DIP2C: variants seen among roughly 807,000 people sequenced by gnomAD.
The protein encoded by DIP2C is DIP2 acetate--CoA ligase C (putative), also known as disco-interacting protein 2 homolog C.
In DIP2C, 33 loss-of-function variants were observed where a neutral mutation model predicts 192.4. The observed-to-expected ratio is 0.17, with a 90% CI of 0.13 to 0.23. The LOEUF is 0.23. DIP2C is among the 10% of genes least tolerant of loss of function. DIP2C has a pLI of 1.00. For missense variants in DIP2C, 1,537 were observed against 2,110.1 expected, an observed-to-expected ratio of 0.73 and a Z score of 5.32; for synonymous variants, 979 against 864.1, an observed-to-expected ratio of 1.13 and a Z score of -2.33.
chr10:354,222 C>T (rs553847686), intron 24 of DIP2C, among the ~76,000 whole-genome samples: 1 of 152,344 alleles, frequency 6.6e-6, no homozygotes, highest in African/African-American at 2.4e-5. Context: ...CTGATCCCTA[C>T]ATCTGGCCCC....
chr10:536,679 G>A (rs1042664857), intron 1 of DIP2C, among the ~76,000 whole-genome samples: 1 of 152,194 alleles, frequency 6.6e-6, no homozygotes, highest in Admixed American at 6.5e-5. Flanking sequence ...CTCTGTGGAG[G>A]GGGGGCCATC....
At chr10:427,128 TA>T (rs1334253141) in intron 4 of DIP2C, among the ~76,000 whole-genome samples, 2 of 152,194 alleles carry the variant, frequency 1.3e-5, no homozygotes, top group African/African-American at 4.8e-5. Flanking sequence ...GTCAGAAGTG[TA>T]AAATCTGAGT....
chr10:329,808 G>C (rs148334592), intron 29 of DIP2C, among the ~76,000 whole-genome samples: 142 of 152,314 alleles, frequency 9.3e-4, no homozygotes, highest in African/African-American at 3.2e-3. Flanking sequence ...ACGTACTACA[G>C]AATCATGGGG....
intron 30 of DIP2C, among the ~76,000 whole-genome samples, chr10:327,945 G>A (rs1198087163): frequency 2.0e-5 from 3 of 152,178 alleles, no homozygotes; most frequent in Non-Finnish European, 2.9e-5. Context: ...GGCACTACCT[G>A]GGCCGAGCAG....
intron 34 of DIP2C, 49 bp from the exon 35 acceptor site, chr10:283,495 G>T (rs551082156): frequency 1.3e-6 from 2 of 1,599,542 alleles, no homozygotes; most frequent in African/African-American, 2.7e-5. Flanking sequence ...TTTATCTCCA[G>T]GGAAATGAGA....
chr10:463,533 A>T, intron 3 of DIP2C, among the ~76,000 whole-genome samples: 1 of 152,172 alleles, frequency 6.6e-6, no homozygotes, highest in East Asian at 1.9e-4. Flanking sequence ...ATGCTCATGG[A>T]TAGGAAGAAT....
intron 1 of DIP2C, among the ~76,000 whole-genome samples, chr10:607,360 G>A (rs1308799011): frequency 6.6e-6 from 1 of 152,190 alleles, no homozygotes; most frequent in African/African-American, 2.4e-5. Flanking sequence ...TCATTATCCA[G>A]AAGCCAGTGG....
At chr10:423,523 G>A (rs1966352780) in intron 4 of DIP2C, among the ~76,000 whole-genome samples, 1 of 151,882 alleles carries the variant, frequency 6.6e-6, no homozygotes, top group Non-Finnish European at 1.5e-5. Context: ...TTCTATGTCG[G>A]TGTGTGTGTT....
intron 18 of DIP2C, among the ~76,000 whole-genome samples, chr10:367,428 A>C (rs1006022589): frequency 1.3e-5 from 2 of 152,184 alleles, no homozygotes; most frequent in African/African-American, 4.8e-5. Flanking sequence ...AAAAAAAAAA[A>C]AAAAAGTTCA....
intron 1 of DIP2C, among the ~76,000 whole-genome samples, chr10:658,167 G>A (rs111164633): frequency 0.02 from 2,740 of 137,664 alleles, no homozygotes; most frequent in African/African-American, 0.047. Flanking sequence ...ACCTGCCGCT[G>A]GACCTGTCCC....
intron 1 of DIP2C, among the ~76,000 whole-genome samples, chr10:521,092 G>A (rs949740118): frequency 2.0e-5 from 3 of 152,162 alleles, no homozygotes; most frequent in Non-Finnish European, 4.4e-5. Context: ...CAAATGTAAT[G>A]TATACATTAG....
chr10:484,809 C>T (rs772745474), intron 2 of DIP2C: 15 of 1,611,396 alleles, frequency 9.3e-6, no homozygotes, highest in Non-Finnish European at 1.3e-5. Context: ...GAGGCCGGTT[C>T]CCTGCGGTGC....
At chr10:531,693 G>A in intron 1 of DIP2C, among the ~76,000 whole-genome samples, 1 of 152,044 alleles carries the variant, frequency 6.6e-6, no homozygotes, top group Non-Finnish European at 1.5e-5. Context: ...CCTGTCCTGG[G>A]GTGTGGGGAA....
intron 1 of DIP2C, among the ~76,000 whole-genome samples, chr10:520,234 G>A (rs1672545): frequency 0.99 from 151,013 of 152,268 alleles, 74,893 homozygotes; most frequent in East Asian, 1. Context: ...TCAACAAGCA[G>A]CGCTCAGCAG....
intron 1 of DIP2C, among the ~76,000 whole-genome samples, chr10:609,969 G>T (rs115566803): frequency 1.3e-5 from 2 of 152,082 alleles, no homozygotes; most frequent in Non-Finnish European, 2.9e-5. Flanking sequence ...TTGGGGACAG[G>T]CTGCTTGAGA....
chr10:545,166 C>CCCTTTTTTTTT (rs1554896881), intron 1 of DIP2C, among the ~76,000 whole-genome samples: 39 of 86,342 alleles, frequency 4.5e-4, no homozygotes, highest in African/African-American at 2.2e-3. Flanking sequence ...GGTGTTTTCC[C>CCCTTTTTTTTT]TTTTTTTTTT....
intron 1 of DIP2C, among the ~76,000 whole-genome samples, chr10:605,374 AAC>A (rs549620356): frequency 1.3e-5 from 2 of 152,224 alleles, no homozygotes; most frequent in Non-Finnish European, 2.9e-5. Flanking sequence ...AATTTCCTGA[AAC>A]ATTCTTTCAA....
At chr10:510,690 A>G (rs1373236415) in intron 1 of DIP2C, among the ~76,000 whole-genome samples, 2 of 152,144 alleles carry the variant, frequency 1.3e-5, no homozygotes, top group African/African-American at 4.8e-5. Flanking sequence ...AGAAGCTGAC[A>G]CCCCTGAGAG....
chr10:342,810 G>A (rs558389409), intron 28 of DIP2C, among the ~76,000 whole-genome samples: 1 of 152,136 alleles, frequency 6.6e-6, no homozygotes, highest in African/African-American at 2.4e-5. Flanking sequence ...AAGAGCTTCC[G>A]CATCTTCCTC....
Sources: gnomAD v4.1 joint callset for allele counts (sites outside exome capture counted in the v4.1 genomes callset) on GRCh38, gnomAD v4.1.1 for gene constraint, MANE v1.5 for transcripts, NCBI Gene and HGNC (gene_info 2026-07-23, HGNC 2026-07-21) for gene names.